The following TEX14 variants were observed in gnomAD, a reference collection of about 807,000 sequenced individuals.
TEX14 encodes testis expressed 14, intercellular bridge forming factor.
In TEX14, 168 loss-of-function variants were observed where a neutral mutation model predicts 178.6. The ratio of observed to expected loss-of-function variants is 0.94; its 90% CI spans 0.83 to 1.07. The LOEUF (loss-of-function observed/expected upper bound fraction) is 1.07, where lower values mean the gene tolerates loss of function less well. TEX14 is among the 50% of genes least tolerant of loss of function. TEX14 has a pLI of 0.00. For missense variants in TEX14, 1,730 were observed against 1,753.6 expected (o/e 0.99, Z 0.24); for synonymous variants, 626 against 634.1 (o/e 0.99, Z 0.19).
chr17:58,665,670 G>A (rs1025167160), intron 1 of TEX14, among the ~76,000 whole-genome samples: 3 of 151,906 alleles, frequency 2.0e-5, no homozygotes, highest in African/African-American at 7.3e-5. Context: ...TTAAATGATA[G>A]CAAGGTACAG....
intron 19 of TEX14, chr17:58,581,702 G>A (rs374881815): frequency 6.2e-7 from 1 of 1,613,126 alleles, no homozygotes; most frequent in Non-Finnish European, 8.5e-7. Flanking sequence ...AGAAGACTCT[G>A]GTGAACAAGT....
At position 58,659,346 on chromosome 17, in the gene TEX14, C is replaced by T. The variant is rs536578989; in HGVS notation, c.-1-7344G>A. 1,084 of 983,392 alleles carry T rather than the reference C, an allele frequency of 1.1e-3. 1 individual carries two copies. Among genetic ancestry groups the T allele is most frequent in the Non-Finnish European group, 1.3e-3 (1,046 of 828,172 alleles). 60.9% of individuals were successfully genotyped at this position (983,392 alleles called of 1,614,324 possible). A position where few individuals can be genotyped will look rare whatever the true frequency, so the allele number is the denominator to read the frequency against. On this transcript the variant is annotated intron_variant, in intron 1 of 31. Coordinates refer to ENST00000349033, the MANE Select transcript of TEX14 (RefSeq NM_031272.5). ...GCTAATACCTTACCATCGTCCTCAA[C>T]ACACAACATACTCATGGCAAATTGT...
At chr17:58,684,240 T>C (rs1435917561) in intron 1 of TEX14, among the ~76,000 whole-genome samples, 2 of 151,246 alleles carry the variant, frequency 1.3e-5, no homozygotes, top group African/African-American at 4.9e-5. Flanking sequence ...GGCGGGTGGA[T>C]CACCTGAGGT....
chr17:58,581,566 T>A, intron 19 of TEX14: 1 of 1,599,440 alleles, frequency 6.3e-7, no homozygotes, highest in African/African-American at 1.3e-5. Flanking sequence ...AATAAGGCAA[T>A]GGAGAAAGGT....
intron 1 of TEX14, among the ~76,000 whole-genome samples, chr17:58,656,581 C>T (rs1279427108): frequency 6.6e-6 from 1 of 151,762 alleles, no homozygotes; most frequent in Non-Finnish European, 1.5e-5. Flanking sequence ...TGGTGAAACC[C>T]CATCTCTACT....
intron 15 of TEX14, 70 bp downstream of exon 15, chr17:58,593,485 T>A: frequency 1.7e-6 from 2 of 1,158,450 alleles, no homozygotes; most frequent in Non-Finnish European, 2.6e-6. Context: ...AGAAGATCAC[T>A]GAGTGGCCTC....
chr17:58,584,488 A>G lies in TEX14; in HGVS notation c.3171+12T>C. On this transcript the variant is annotated intron_variant, in intron 19 of 31. Transcript: ENST00000349033. ...TTGGGTTCAACTTGGCTTTCCAGGC[A>G]GTATTACTTACACTGTAAGATTTCT... The G allele has an allele frequency of 6.3e-7, 1 of 1,596,596 alleles. No individual in the cohort carries two copies. The highest frequency in any genetic ancestry group is 1.1e-5 in the South Asian group (1 of 90,704).
chr17:58,648,794 T>C (rs923890277), intron 2 of TEX14, among the ~76,000 whole-genome samples: 35 of 141,932 alleles, frequency 2.5e-4, no homozygotes, highest in African/African-American at 3.4e-4. Context: ...TTCTTTTTTT[T>C]TTTTTTTTTT....
intron 1 of TEX14, among the ~76,000 whole-genome samples, chr17:58,654,277 A>G (rs562378003): frequency 1.3e-5 from 2 of 152,278 alleles, no homozygotes; most frequent in African/African-American, 4.8e-5. Context: ...GGCCTTTCTC[A>G]GGCCCTAAAG....
chr17:58,586,067 A>G lies in TEX14; in HGVS notation c.2804T>C (p.Met935Thr). The change falls in exon 18 of 32, where the codon ATG becomes ACG. Residue 935 changes from methionine to threonine, a missense_variant. By Grantham distance (81) the Met-to-Thr change is moderately conservative (BLOSUM62 -1). Coordinates refer to ENST00000349033, the MANE Select transcript of TEX14 (RefSeq NM_031272.5). ...CTGTCCAGTAGCTGCTTTCTTTGCC[A>G]TTTCTTTCACCTCCACTGTGCATAA... The part of the protein sequence containing the change: ...HLKWKMEVKE[M>T]AKKAATGQLT... 1 of 1,612,534 alleles carries G rather than the reference A, an allele frequency of 6.2e-7. No individual in the cohort carries two copies. Among genetic ancestry groups the G allele is most frequent in the Non-Finnish European group, 8.5e-7 (1 of 1,178,768 alleles).
At chr17:58,603,022 C>T (rs1266034649) in intron 11 of TEX14, among the ~76,000 whole-genome samples, 1 of 151,346 alleles carries the variant, frequency 6.6e-6, no homozygotes. Context: ...GCTGAGATTG[C>T]GCCACTGCAC....
At chr17:58,622,029 T>A (rs2046009937) in intron 4 of TEX14, among the ~76,000 whole-genome samples, 1 of 152,196 alleles carries the variant, frequency 6.6e-6, no homozygotes, top group African/African-American at 2.4e-5. Context: ...CGAGTAAAAT[T>A]TGCTGGTCCA....
chr17:58,689,471 G>A (rs755720960), intron 1 of TEX14, among the ~76,000 whole-genome samples: 1 of 152,036 alleles, frequency 6.6e-6, no homozygotes, highest in African/African-American at 2.4e-5. Flanking sequence ...CACCCGCCTT[G>A]GCCTCCCAAA....
chr17:58,669,379 G>T lies in TEX14; in HGVS notation c.-1-17377C>A, dbSNP rs377676054. ...AAACAAACAAAAAAAAAAACAGGAGGGGGTGTGGAGAGGAGTTTGTCATAT... is the reference window on the plus strand; with the variant it reads ...AAACAAACAAAAAAAAAAACAGGAGTGGGTGTGGAGAGGAGTTTGTCATAT... On this transcript the variant is annotated intron_variant, in intron 1 of 31. Transcript: ENST00000349033. Among the ~76,000 whole-genome samples, 56 of 151,572 alleles carry T rather than the reference G, an allele frequency of 3.7e-4. 1 individual carries two copies. In the East Asian group the frequency reaches 0.01, roughly 27 times the overall value.
In TEX14 at chr17:58,593,572, C is replaced by A. The variant is rs55973244; in HGVS notation, c.2559G>T (p.Arg853Ser). The A allele has an allele frequency of 6.2e-7, 1 of 1,613,618 alleles. No homozygotes were observed. The highest frequency in any genetic ancestry group is 1.3e-5 in the African/African-American group (1 of 74,892). The change falls in exon 15 of 32, where the codon AGG becomes AGT. Residue 853 changes from arginine (R) to serine (S), a missense_variant. Coordinates refer to ENST00000349033, the MANE Select transcript of TEX14 (RefSeq NM_031272.5). Reference protein sequence around the residue: ...QGAKDSLETSRIQNTSSQGRP... With the variant: ...QGAKDSLETSSIQNTSSQGRP... The stretch of plus-strand genomic sequence containing the variant: ...TGACCCACCTACTGGTATTTTGGAT[C>A]CTGCTTGTTTCCAAACTGTCCTTGG...
rs184893259 is a variant in TEX14, at chr17:58,569,980, A to T, written c.3817+405T>A. On this transcript the variant is annotated intron_variant, in intron 25 of 31. Coordinates refer to ENST00000349033, the MANE Select transcript of TEX14 (RefSeq NM_031272.5). This position sits in a 1 kb window ranked among gnomAD's most constrained non-coding sequence, Gnocchi z 4.1. ...GAAAATGATATAAATCTTAAACATA[A>T]GAAAATGGTTAAGCAACATGTAGAA... Among the ~76,000 whole-genome samples, 46 of 152,326 alleles carry T rather than the reference A, an allele frequency of 3.0e-4. No individual in the cohort carries two copies. Among genetic ancestry groups the T allele is most frequent in the African/African-American group, 1.0e-3 (43 of 41,582 alleles).
At chr17:58,674,134 G>A (rs1212024288) in intron 1 of TEX14, among the ~76,000 whole-genome samples, 4 of 151,968 alleles carry the variant, frequency 2.6e-5, no homozygotes, top group Non-Finnish European at 5.9e-5. Flanking sequence ...AATTTAGCTG[G>A]GTGTGGTGGC....
chr17:58,620,207 G>A (rs1171190309), intron 5 of TEX14, among the ~76,000 whole-genome samples: 1 of 152,224 alleles, frequency 6.6e-6, no homozygotes, highest in Non-Finnish European at 1.5e-5. Context: ...GGGAGGGCTT[G>A]GATGAGGCAG....
At chr17:58,656,944 A>G (rs868596610) in intron 1 of TEX14, among the ~76,000 whole-genome samples, 224 of 128,590 alleles carry the variant, frequency 1.7e-3, no homozygotes, top group African/African-American at 3.0e-3. Context: ...AAAAAAAAAA[A>G]AAAAAGAAAA....
Sources: gnomAD v4.1 joint callset for allele counts (sites outside exome capture counted in the v4.1 genomes callset) on GRCh38, gnomAD v4.1.1 for gene constraint, Gnocchi (gnomAD v3.1) non-coding constraint, MANE v1.5 for transcripts, NCBI Gene and HGNC (gene_info 2026-07-23, HGNC 2026-07-21) for gene names.